TNIK: variants seen among roughly 807,000 people sequenced by gnomAD.
TNIK encodes the protein TRAF2 and NCK interacting kinase.
In TNIK, 49 loss-of-function variants were observed where a neutral mutation model predicts 191.3. The ratio of observed to expected loss-of-function variants is 0.26; its 90% CI spans 0.20 to 0.32. The LOEUF is 0.32. TNIK is among the 10% of genes least tolerant of loss of function. The pLI is 1.00. For missense variants in TNIK, 1,155 were observed against 1,702.3 expected (o/e 0.68, Z 5.66); for synonymous variants, 594 against 600.9 (o/e 0.99, Z 0.17).
At chr3:171,113,996 GT>G (rs1470499045) in intron 18 of TNIK, among the ~76,000 whole-genome samples, 1 of 38,176 alleles carries the variant, frequency 2.6e-5, no homozygotes, top group African/African-American at 1.3e-4. Flanking sequence ...TTACGATTTT[GT>G]TAAAAAAAAA....
In TNIK at chr3:171,066,304, T is replaced by A. The variant is rs368098673; in HGVS notation, c.3882A>T (p.Ile1294=). The A allele has an allele frequency of 2.5e-5, 41 of 1,613,926 alleles. No individual in the cohort carries two copies. The highest frequency in any genetic ancestry group is 3.4e-5 in the Non-Finnish European group (40 of 1,179,870). ...TSVAYIHSNQ[I]MGWGEKAIEI... ...CAATAGCTTTCTCGCCCCAGCCCAT[T>A]ATCTGATTGGAATGAATGTAGGCTG... is the stretch of plus-strand genomic sequence containing the variant. The change falls in exon 32 of 33, where the codon ATA becomes ATT. Residue 1294 remains isoleucine (I), a synonymous_variant. Transcript: ENST00000436636.
intron 4 of TNIK, among the ~76,000 whole-genome samples, chr3:171,198,878 C>T (rs1739053614): frequency 1.3e-5 from 2 of 152,190 alleles, no homozygotes; most frequent in Admixed American, 1.3e-4. Flanking sequence ...CTCTAAATCC[C>T]ATTTTGAAAA....
chr3:171,306,073 T>C (rs1045374712), intron 2 of TNIK, among the ~76,000 whole-genome samples: 1 of 152,178 alleles, frequency 6.6e-6, no homozygotes, highest in African/African-American at 2.4e-5. Context: ...GGAACGTGGA[T>C]GGAACCGGAG....
chr3:171,282,879 A>G (rs148433622), intron 2 of TNIK, among the ~76,000 whole-genome samples: 1 of 152,260 alleles, frequency 6.6e-6, no homozygotes, highest in African/African-American at 2.4e-5. Flanking sequence ...GCAGAATCCT[A>G]ATCTTACAAC....
At chr3:171,126,454 G>A (rs1469316534) in intron 16 of TNIK, among the ~76,000 whole-genome samples, 1 of 152,192 alleles carries the variant, frequency 6.6e-6, no homozygotes, top group Non-Finnish European at 1.5e-5. Context: ...GCAATGCAAT[G>A]TATTTTATAA....
At chr3:171,264,034 G>GTA (rs1748023697) in intron 2 of TNIK, among the ~76,000 whole-genome samples, 2 of 150,234 alleles carry the variant, frequency 1.3e-5, no homozygotes, top group African/African-American at 4.9e-5. Context: ...GTGTGTGTGT[G>GTA]TGTATATATA....
chr3:171,458,554 A>G (rs1729038241), intron 1 of TNIK, among the ~76,000 whole-genome samples: 1 of 152,182 alleles, frequency 6.6e-6, no homozygotes, highest in African/African-American at 2.4e-5. Flanking sequence ...ATTCAAAGAG[A>G]TGTGGAGGAA....
chr3:171,161,098 G>T (rs1209996717), intron 11 of TNIK, among the ~76,000 whole-genome samples, 172 bp downstream of exon 11: 1 of 152,144 alleles, frequency 6.6e-6, no homozygotes, highest in African/African-American at 2.4e-5. Flanking sequence ...TTTCGTAATG[G>T]TCTGCCTAGG....
intron 3 of TNIK, among the ~76,000 whole-genome samples, chr3:171,224,463 T>C (rs1351219814): frequency 6.6e-6 from 1 of 151,292 alleles, no homozygotes; most frequent in Admixed American, 6.6e-5. Flanking sequence ...ATTTACAGGG[T>C]TATCAAAAAA....
chr3:171,222,405 C>T (rs1263750674), intron 3 of TNIK, among the ~76,000 whole-genome samples: 1 of 152,058 alleles, frequency 6.6e-6, no homozygotes, highest in Non-Finnish European at 1.5e-5. Flanking sequence ...ACTAAGTACT[C>T]ATTTAAGTAC....
chr3:171,342,130 G>C (rs535441208), intron 2 of TNIK, among the ~76,000 whole-genome samples: 26 of 152,140 alleles, frequency 1.7e-4, no homozygotes, highest in Non-Finnish European at 3.2e-4. Context: ...GACTAGATCT[G>C]AAACTATAAA....
chr3:171,422,829 T>A (rs1322162575), intron 1 of TNIK, among the ~76,000 whole-genome samples: 1 of 152,242 alleles, frequency 6.6e-6, no homozygotes, highest in Non-Finnish European at 1.5e-5. Flanking sequence ...CCTAGCCCGG[T>A]GGCTTTGAAC....
At chr3:171,147,151 G>A (rs1024724303) in intron 12 of TNIK, among the ~76,000 whole-genome samples, 1 of 152,110 alleles carries the variant, frequency 6.6e-6, no homozygotes, top group African/African-American at 2.4e-5. Flanking sequence ...GCGGTGAGAG[G>A]AAACCCTACT....
chr3:171,113,735 T>C (rs1208069052), intron 18 of TNIK, among the ~76,000 whole-genome samples: 1 of 152,038 alleles, frequency 6.6e-6, no homozygotes, highest in African/African-American at 2.4e-5. Context: ...GCAGTATTCA[T>C]TCACTCAGTT....
intron 2 of TNIK, among the ~76,000 whole-genome samples, chr3:171,368,493 T>C (rs145416127): frequency 3.2e-4 from 49 of 152,288 alleles, no homozygotes; most frequent in African/African-American, 9.6e-4. Flanking sequence ...AGTGAGCAGG[T>C]TGGGTAGACT....
intron 17 of TNIK, 143 bp downstream of exon 17, chr3:171,125,769 A>C: frequency 1.6e-6 from 2 of 1,249,144 alleles, no homozygotes; most frequent in Non-Finnish European, 2.2e-6. Context: ...TAGCCAGGGA[A>C]TGAAGAGGGA....
chr3:171,210,579 A>G (rs1302587895), intron 4 of TNIK, among the ~76,000 whole-genome samples: 1 of 152,194 alleles, frequency 6.6e-6, no homozygotes, highest in Non-Finnish European at 1.5e-5. Flanking sequence ...TAGGTATTTT[A>G]CTTACAGAGT....
chr3:171,290,827 C>T (rs747486407), intron 2 of TNIK, among the ~76,000 whole-genome samples: 5 of 151,982 alleles, frequency 3.3e-5, no homozygotes, highest in Admixed American at 6.6e-5. Flanking sequence ...CTTTATGGAA[C>T]GAGTCAGTTC....
chr3:171,093,443 T>C (rs1312553380), intron 23 of TNIK, among the ~76,000 whole-genome samples: 2 of 152,204 alleles, frequency 1.3e-5, no homozygotes, highest in East Asian at 1.9e-4. Flanking sequence ...GCATTTTTTA[T>C]ACGAAATCCA....
Sources: allele counts gnomAD v4.1 joint callset (sites outside exome capture counted in the v4.1 genomes callset), GRCh38; gene constraint gnomAD v4.1.1; transcripts MANE v1.5; gene names NCBI Gene and HGNC (gene_info 2026-07-23, HGNC 2026-07-21).